Variants in ME1 observed in about 807,000 individuals in gnomAD.
ME1 encodes NADP-dependent malic enzyme.
In ME1, 74 loss-of-function variants were observed where a neutral mutation model predicts 66.4. The observed-to-expected ratio is 1.11, with a 90% CI of 0.92 to 1.35. The LOEUF is 1.35. Among genes scored for constraint, ME1 ranks in the 40% most tolerant of loss-of-function variants. ME1 has a pLI of 0.00. For missense variants in ME1, 750 were observed against 694.1 expected (o/e 1.08, Z -0.90); for synonymous variants, 251 against 235.6 (o/e 1.07, Z -0.60).
chr6:83,216,043 C>G (rs79067362), intron 13 of ME1, among the ~76,000 whole-genome samples: 2,963 of 152,248 alleles, frequency 0.019, 92 homozygotes, highest in African/African-American at 0.069. Context: ...TTTTGCCTTC[C>G]GCCCAGTATT....
At chr6:83,312,856 G>GCAATT (rs1562477859) in intron 6 of ME1, among the ~76,000 whole-genome samples, 2 of 152,090 alleles carry the variant, frequency 1.3e-5, no homozygotes, top group Non-Finnish European at 2.9e-5. Context: ...CCAGGTTCAG[G>GCAATT]CAATTCTCGT....
rs938645520 is a variant in ME1, at chr6:83,266,939, ACT to A, written c.705-13203_705-13202del. Among the ~76,000 whole-genome samples the A allele has an allele frequency of 9.2e-5, 14 of 152,116 alleles. 1 individual carries two copies. Among genetic ancestry groups the A allele is most frequent in the Non-Finnish European group, 1.8e-4 (12 of 68,016 alleles). On this transcript the variant is annotated intron_variant, in intron 6 of 13. Transcript: ENST00000369705. ...TTTCACATTAAACCATTTATGAATGACTCTGGAACTTTTTTTGAATTAACAAG... is the reference window on the plus strand; with the variant it reads ...TTTCACATTAAACCATTTATGAATGACTGGAACTTTTTTTGAATTAACAAG...
At chr6:83,253,017 C>T (rs1042648125) in intron 7 of ME1, among the ~76,000 whole-genome samples, 5 of 152,150 alleles carry the variant, frequency 3.3e-5, no homozygotes, top group Admixed American at 6.5e-5. Context: ...AACCTCTTTA[C>T]GGTATTTCTC....
At chr6:83,417,625 C>T (rs1485295667) in intron 1 of ME1, among the ~76,000 whole-genome samples, 2 of 151,022 alleles carry the variant, frequency 1.3e-5, no homozygotes, top group African/African-American at 2.4e-5. Context: ...GTGATCCACC[C>T]GCCTTGGCCT....
intron 1 of ME1, among the ~76,000 whole-genome samples, chr6:83,414,111 G>GA (rs758493692): frequency 0.23 from 15,401 of 66,038 alleles, 1,298 homozygotes; most frequent in African/African-American, 0.34. Flanking sequence ...ACCCCATCTT[G>GA]AAAAAAAAAA....
At chr6:83,256,366 G>GA (rs1283686816) in intron 6 of ME1, among the ~76,000 whole-genome samples, 1 of 152,036 alleles carries the variant, frequency 6.6e-6, no homozygotes, top group Admixed American at 6.6e-5. Flanking sequence ...AGGGCTAAGA[G>GA]AAAATAACTG....
chr6:83,342,065 G>A (rs985381100), intron 5 of ME1, among the ~76,000 whole-genome samples: 1 of 152,114 alleles, frequency 6.6e-6, no homozygotes, highest in Non-Finnish European at 1.5e-5. Context: ...TGCTAGGAGT[G>A]TGACCTTTGT....
At chr6:83,283,423 G>C (rs968659385) in intron 6 of ME1, among the ~76,000 whole-genome samples, 2 of 151,534 alleles carry the variant, frequency 1.3e-5, no homozygotes, top group Non-Finnish European at 2.9e-5. Flanking sequence ...ACCTCTCATG[G>C]GGTGGGGGGA....
intron 9 of ME1, among the ~76,000 whole-genome samples, chr6:83,231,601 A>G (rs569064355): frequency 2.6e-5 from 4 of 152,204 alleles, no homozygotes; most frequent in Non-Finnish European, 5.9e-5. Context: ...AACTACCTGT[A>G]CCTTTGGACT....
chr6:83,237,270 A>AG (rs1441410281), intron 9 of ME1, among the ~76,000 whole-genome samples: 14 of 90,430 alleles, frequency 1.5e-4, no homozygotes, highest in African/African-American at 6.4e-4. Context: ...AAAGAAAGAA[A>AG]GAAAGAAAGG....
chr6:83,239,493 T>C, intron 8 of ME1, 46 bp downstream of exon 8: 1 of 1,302,058 alleles, frequency 7.7e-7, no homozygotes, highest in Non-Finnish European at 1.1e-6. Context: ...TTAACACTAA[T>C]TATATGTTAG....
chr6:83,326,614 G>C lies in ME1; in HGVS notation c.601-11201C>G, dbSNP rs147261850. Among the ~76,000 whole-genome samples, 695 of 152,214 alleles carry C rather than the reference G, an allele frequency of 4.6e-3. 2 individuals are homozygous for C. The highest frequency in any genetic ancestry group is 0.015 in the African/African-American group (638 of 41,548). On this transcript the variant is annotated intron_variant, in intron 5 of 13. Transcript: ENST00000369705. ...ATTTTCAAAAGAAGGCATGTATGTGGCCAAAAAACATAAAAAAAAGCTCAT... is the reference window on the plus strand; with the variant it reads ...ATTTTCAAAAGAAGGCATGTATGTGCCCAAAAAACATAAAAAAAAGCTCAT...
chr6:83,357,319 T>C (rs1179479571), intron 3 of ME1, among the ~76,000 whole-genome samples: 1 of 152,236 alleles, frequency 6.6e-6, no homozygotes, highest in Non-Finnish European at 1.5e-5. Flanking sequence ...TGTGAAAGGA[T>C]TCTTCAAAAC....
At chr6:83,250,645 G>A (rs1351520817) in intron 7 of ME1, among the ~76,000 whole-genome samples, 3 of 152,094 alleles carry the variant, frequency 2.0e-5, no homozygotes, top group African/African-American at 7.3e-5. Flanking sequence ...CACTTTCTTA[G>A]AGCAAGATGC....
At chr6:83,405,942 C>T (rs372018708) in intron 2 of ME1, among the ~76,000 whole-genome samples, 1 of 152,008 alleles carries the variant, frequency 6.6e-6, no homozygotes. Flanking sequence ...GGGATGGTCT[C>T]GATCTCCTGA....
chr6:83,408,064 A>T (rs1160145136), intron 1 of ME1, among the ~76,000 whole-genome samples, 163 bp from the exon 2 acceptor site: 1 of 152,206 alleles, frequency 6.6e-6, no homozygotes, highest in Non-Finnish European at 1.5e-5. Flanking sequence ...AGCTCTCCAT[A>T]TCTCAGTTTC....
intron 2 of ME1, among the ~76,000 whole-genome samples, chr6:83,406,278 G>A (rs1481761415): frequency 2.0e-5 from 3 of 152,148 alleles, no homozygotes; most frequent in Non-Finnish European, 1.5e-5. Flanking sequence ...AGGGATATTA[G>A]CCTGATGTTT....
rs112586895 is a variant in ME1, at chr6:83,228,765, T to TAAA, written c.1132+58_1132+60dup. ...TAAATTATACCTCAAAAATTGGTAG[T>TAAA]AAAAAAAACAATCAGGTCAAAATAA... On this transcript the variant is annotated intron_variant, in intron 10 of 13. Coordinates refer to ENST00000369705, the MANE Select transcript of ME1 (RefSeq NM_002395.6). 2.0e-5 allele frequency: 22 copies of TAAA among 1,122,364 alleles called. No homozygotes were observed. The African/African-American group carries it at 3.2e-4, about 16-fold the overall frequency. The allele number at this position is 1,122,364 out of a possible 1,614,324, so 69.5% of individuals were successfully genotyped here.
In ME1 at chr6:83,216,551, GCCGAC is replaced by G. The variant is rs754429126; in HGVS notation, c.1490_1494del (p.Gly497AlafsTer9). Reference sequence around the variant, plus strand: ...CTAATGGTATTCAAAGGAGGATAAAGCCGACCCTCTTCCAAGTGTTTATCTGACAC... The same window carrying G: ...CTAATGGTATTCAAAGGAGGATAAAGCCTCTTCCAAGTGTTTATCTGACAC... On this transcript the variant is annotated frameshift_variant, in exon 13 of 14. Coordinates refer to ENST00000369705, the MANE Select transcript of ME1 (RefSeq NM_002395.6). LOFTEE classifies it high-confidence loss of function. The G allele has an allele frequency of 1.2e-5, 19 of 1,611,514 alleles. No individual in the cohort carries two copies. Among genetic ancestry groups the G allele is most frequent in the Admixed American group, 6.7e-5 (4 of 59,638 alleles).
Sources: gnomAD v4.1 joint callset for allele counts (sites outside exome capture counted in the v4.1 genomes callset) on GRCh38, gnomAD v4.1.1 for gene constraint, MANE v1.5 for transcripts, NCBI Gene and HGNC (gene_info 2026-07-23, HGNC 2026-07-21) for gene names.